Variants in MON2 observed in about 807,000 individuals in gnomAD.
The protein encoded by MON2 is MON2 regulator of endosome-to-Golgi trafficking.
A neutral mutation model predicts 208.6 loss-of-function variants in MON2; 84 were observed. That is an observed-to-expected ratio of 0.40 (90% CI 0.34 to 0.48). The LOEUF is 0.48. Ranked by LOEUF, MON2 falls within the 20% of genes least tolerant of loss-of-function variation. The probability of loss-of-function intolerance (pLI) is 0.59; values close to 1 mark genes in which losing one functional copy is unlikely to be tolerated. For missense variants in MON2, 1,611 were observed against 2,015.4 expected, an observed-to-expected ratio of 0.80 and a Z score of 3.84; for synonymous variants, 660 against 694.0, an observed-to-expected ratio of 0.95 and a Z score of 0.77.
chr12:62,519,124 A>C (rs914336460), intron 8 of MON2, among the ~76,000 whole-genome samples: 6 of 152,200 alleles, frequency 3.9e-5, no homozygotes, highest in African/African-American at 1.4e-4. Flanking sequence ...GTGGTCATTT[A>C]ATAAATAACC....
intron 29 of MON2, among the ~76,000 whole-genome samples, chr12:62,569,138 T>C (rs940083069): frequency 1.3e-5 from 2 of 152,226 alleles, no homozygotes; most frequent in East Asian, 3.8e-4. Flanking sequence ...TGTGTAAACA[T>C]TTTTAAAAAT....
intron 29 of MON2, among the ~76,000 whole-genome samples, chr12:62,569,580 A>G (rs1042978179): frequency 4.6e-5 from 7 of 152,222 alleles, no homozygotes; most frequent in Non-Finnish European, 7.3e-5. Flanking sequence ...CTGCATACAC[A>G]CATTCACACA....
intron 27 of MON2, 71 bp from the exon 28 acceptor site, chr12:62,565,943 C>T: frequency 7.4e-7 from 1 of 1,351,960 alleles, no homozygotes; most frequent in Non-Finnish European, 1.0e-6. Flanking sequence ...TTTATATCGT[C>T]CGAAAGTAGT....
intron 26 of MON2, 88 bp downstream of exon 26, chr12:62,561,201 A>G: frequency 9.2e-7 from 1 of 1,082,066 alleles, no homozygotes; most frequent in Non-Finnish European, 1.3e-6. Context: ...GATAAATTTT[A>G]GATCATCAAG....
intron 24 of MON2, among the ~76,000 whole-genome samples, chr12:62,553,808 C>T (rs1166029257): frequency 2.0e-5 from 3 of 152,052 alleles, no homozygotes; most frequent in Non-Finnish European, 4.4e-5. Context: ...TCCATCTGTT[C>T]CATTATAATA....
chr12:62,538,898 A>T (rs1181118487), intron 19 of MON2, among the ~76,000 whole-genome samples: 1 of 152,094 alleles, frequency 6.6e-6, no homozygotes, highest in Admixed American at 6.5e-5. Flanking sequence ...TTTCATTGGG[A>T]TGGAAAGTAA....
intron 19 of MON2, among the ~76,000 whole-genome samples, chr12:62,542,856 C>A (rs929240615): frequency 3.3e-5 from 5 of 152,098 alleles, no homozygotes; most frequent in Non-Finnish European, 7.4e-5. Flanking sequence ...GGATTTTCAT[C>A]CCTCCACTAT....
At chr12:62,582,858 C>T (rs755882199) in intron 32 of MON2, among the ~76,000 whole-genome samples, 3 of 152,066 alleles carry the variant, frequency 2.0e-5, no homozygotes, top group African/African-American at 7.2e-5. Context: ...ATAGTCAGAG[C>T]TCACAGACAT....
Position 62,578,469 on chromosome 12 carries a change from TC to T in MON2, c.4540del (p.Gln1514LysfsTer13). The T allele has an allele frequency of 6.7e-7, 1 of 1,492,766 alleles. No homozygotes were observed. The highest frequency in any genetic ancestry group is 9.2e-7 in the Non-Finnish European group (1 of 1,092,074). 92.5% of individuals were successfully genotyped at this position (1,492,766 alleles called of 1,614,324 possible). A position where few individuals can be genotyped will look rare whatever the true frequency, so the allele number is the denominator to read the frequency against. ...KSIPPDNLSI[Q>X]EFQRNENIDV... ...GCATACCTCCAGATAATCTCTCTAT[TC>T]AAGAGTTTCAAAGAAATGAAAATAT... On this transcript the variant is annotated frameshift_variant, in exon 31 of 35. Coordinates refer to ENST00000393630, the MANE Select transcript of MON2 (RefSeq NM_015026.3). LOFTEE classifies it high-confidence loss of function.
intron 11 of MON2, among the ~76,000 whole-genome samples, chr12:62,528,057 C>A (rs1279974896): frequency 6.6e-6 from 1 of 152,080 alleles, no homozygotes; most frequent in Non-Finnish European, 1.5e-5. Context: ...AGGACTGAAT[C>A]TCTAAAGGAA....
intron 1 of MON2, among the ~76,000 whole-genome samples, chr12:62,471,436 G>A (rs1377823341): frequency 1.3e-5 from 2 of 152,008 alleles, no homozygotes; most frequent in Non-Finnish European, 2.9e-5. Flanking sequence ...TGCCCGCCTC[G>A]GCCTCCCAAA....
At chr12:62,485,858 C>A (rs2069748570) in intron 2 of MON2, among the ~76,000 whole-genome samples, 2 of 152,100 alleles carry the variant, frequency 1.3e-5, no homozygotes, top group South Asian at 4.1e-4. Context: ...TGCCCAACAC[C>A]ACATCTGGCT....
intron 4 of MON2, among the ~76,000 whole-genome samples, chr12:62,497,264 T>A (rs1033914848): frequency 6.6e-6 from 1 of 151,646 alleles, no homozygotes; most frequent in Non-Finnish European, 1.5e-5. Flanking sequence ...TGTACACATA[T>A]GTAACTAACC....
chr12:62,517,014 G>A (rs1470327060), intron 8 of MON2, among the ~76,000 whole-genome samples: 3 of 152,220 alleles, frequency 2.0e-5, no homozygotes, highest in Non-Finnish European at 2.9e-5. Flanking sequence ...AAGGGCCAAT[G>A]TAGTTGCCAT....
Position 62,553,071 on chromosome 12 carries a change from C to A in MON2, c.3107C>A (p.Pro1036His), listed in dbSNP as rs1221193449. ...AAATTGGGTGAACTATGTGTGGATC[C>A]CCGTCCTGCTGTCAGGAAGAGTGCA... ...YAKLGELCVD[P>H]RPAVRKSAGQ... is the part of the protein sequence containing the mutation. Residue 1036 changes from proline to histidine, a missense_variant, in exon 24 of 35, where the codon CCC (proline) becomes CAC (histidine). Transcript: ENST00000393630. 6.2e-7 allele frequency: 1 copy of A among 1,613,720 alleles called. No individual in the cohort carries two copies. The highest frequency in any genetic ancestry group is 2.2e-5 in the East Asian group (1 of 44,846).
At chr12:62,520,478 A>G (rs1439400039) in intron 8 of MON2, among the ~76,000 whole-genome samples, 1 of 152,180 alleles carries the variant, frequency 6.6e-6, no homozygotes, top group Non-Finnish European at 1.5e-5. Flanking sequence ...AAATGTAAAT[A>G]ATCATGATTT....
At chr12:62,522,862 A>G (rs544788486) in intron 8 of MON2, among the ~76,000 whole-genome samples, 1 of 152,320 alleles carries the variant, frequency 6.6e-6, no homozygotes, top group East Asian at 1.9e-4. Context: ...TCTCTTTTTT[A>G]CCCAAATCAT....
chr12:62,510,949 T>C (rs188187047), intron 8 of MON2, among the ~76,000 whole-genome samples: 2 of 152,338 alleles, frequency 1.3e-5, no homozygotes, highest in Admixed American at 6.5e-5. Flanking sequence ...GTTGCAAATA[T>C]GTCTCTATAC....
At chr12:62,546,087 G>C (rs187748555) in intron 21 of MON2, among the ~76,000 whole-genome samples, 1 of 151,996 alleles carries the variant, frequency 6.6e-6, no homozygotes, top group African/African-American at 2.4e-5. Flanking sequence ...AACAAATTTC[G>C]TGGTTTTATG....
Sources: allele counts gnomAD v4.1 joint callset (sites outside exome capture counted in the v4.1 genomes callset), GRCh38; gene constraint gnomAD v4.1.1; transcripts MANE v1.5; gene names NCBI Gene and HGNC (gene_info 2026-07-23, HGNC 2026-07-21).